RGPD1: variants seen among roughly 807,000 people sequenced by gnomAD.
RGPD1 encodes the protein RANBP2-like and GRIP domain-containing protein 1.
In RGPD1, 7 loss-of-function variants were observed where a neutral mutation model predicts 40.6. The observed-to-expected ratio is 0.17, with a 90% CI of 0.10 to 0.32. The LOEUF is 0.32. Ranked by LOEUF, RGPD1 falls within the 10% of genes least tolerant of loss-of-function variation. The probability of loss-of-function intolerance (pLI) is 1.00; values close to 1 mark genes in which losing one functional copy is unlikely to be tolerated. For synonymous variants in RGPD1, 24 were observed against 167.0 expected, an observed-to-expected ratio of 0.14 and a Z score of 6.60; for missense variants, 50 against 472.5, an observed-to-expected ratio of 0.11 and a Z score of 8.29.
At chr2:86,930,156 GGTCACCCCTGCCCC>G (rs1275789581) in intron 1 of RGPD1, 2 of 1,455,622 alleles carry the variant, frequency 1.4e-6, no homozygotes, top group African/African-American at 2.8e-5. Context: ...TGGGGGCAGG[GGTCACCCCTGCCCC>G]AGACTCACCC....
chr2:86,924,048 CCTT>C (rs1336362516), intron 1 of RGPD1, among the ~76,000 whole-genome samples: 2 of 85,958 alleles, frequency 2.3e-5, no homozygotes, highest in Admixed American at 1.4e-4. Context: ...GTTTATCCAT[CCTT>C]CTTCTGCTGG....
At chr2:86,930,617 C>T (rs1678871812) in intron 1 of RGPD1, 3 of 1,611,568 alleles carry the variant, frequency 1.9e-6, no homozygotes, top group Admixed American at 1.7e-5. Context: ...AGCAGCCAGT[C>T]TCCCCGCAGC....
In RGPD1 at chr2:86,918,453, CTTTTTT is replaced by C. The variant is rs1160123598; in HGVS notation, c.72+4551_72+4556del. On this transcript the variant is annotated intron_variant, in intron 1 of 22. Transcript: ENST00000398193. Reference sequence around the variant, plus strand: ...TATGTTTTAGCCTTGCACACCAAATCTTTTTTTTTTTTTTTTTTTTTTTTGAGACAG... The same window carrying C: ...TATGTTTTAGCCTTGCACACCAAATCTTTTTTTTTTTTTTTTTTGAGACAG... 1.4e-4 allele frequency among the ~76,000 whole-genome samples: 11 copies of C among 78,086 alleles called. No individual in the cohort carries two copies. In the East Asian group the frequency reaches 2.2e-3, roughly 16 times the overall value. 51.2% of individuals were successfully genotyped at this position (78,086 alleles called of 152,430 possible). A position where few individuals can be genotyped will look rare whatever the true frequency, so the allele number is the denominator to read the frequency against.
upstream of RGPD1, among the ~76,000 whole-genome samples, chr2:86,940,709 C>G (rs570818278): frequency 1.3e-5 from 2 of 152,140 alleles, no homozygotes; most frequent in African/African-American, 2.4e-5. Context: ...GATGTTCCCC[C>G]CTCTGCCTTT....
At chr2:87,011,752 G>GAA (rs1682226917) in intron 22 of RGPD1, among the ~76,000 whole-genome samples, 1 of 119,628 alleles carries the variant, frequency 8.4e-6, no homozygotes. Flanking sequence ...AAATAGCTAT[G>GAA]AAGAAGCAGA....
chr2:86,935,562 G>A (rs1261758245), intron 1 of RGPD1, among the ~76,000 whole-genome samples: 1 of 118,234 alleles, frequency 8.5e-6, no homozygotes, highest in African/African-American at 2.9e-5. Context: ...ATTATTTTCT[G>A]ATACTCATAT....
rs1430522919 is a variant in RGPD1, at chr2:86,942,717, G to A, written c.72+409G>A. On this transcript the variant is annotated intron_variant, in intron 1 of 22. Coordinates refer to ENST00000641458, the MANE Select transcript of RGPD1 (RefSeq NM_001382344.1). ...GGTGGCCTCGACGTGGCCCGGCGGCGGCCTCGATGGCTCAGGCGTCATGGC... is the reference window on the plus strand; with the variant it reads ...GGTGGCCTCGACGTGGCCCGGCGGCAGCCTCGATGGCTCAGGCGTCATGGC... Among the ~76,000 whole-genome samples, 5 of 149,578 alleles carry A rather than the reference G, an allele frequency of 3.3e-5. No individual in the cohort carries two copies. The East Asian group carries it at 7.9e-4, about 24-fold the overall frequency.
At chr2:86,947,640 A>G (rs1680404778) in intron 1 of RGPD1, among the ~76,000 whole-genome samples, 1 of 123,806 alleles carries the variant, frequency 8.1e-6, no homozygotes, top group Non-Finnish European at 1.8e-5. Flanking sequence ...GTTTACCTGA[A>G]AGCTGGAGTT....
At chr2:86,914,076 CTGG>C (rs1274905222) in intron 1 of RGPD1, among the ~76,000 whole-genome samples, 1 of 56,182 alleles carries the variant, frequency 1.8e-5, no homozygotes, top group African/African-American at 6.3e-5. Flanking sequence ...CGGCCCCGGC[CTGG>C]CCGGGCGGCG....
chr2:86,931,838 TACTC>T (rs1678989491), intron 1 of RGPD1, among the ~76,000 whole-genome samples: 1 of 149,002 alleles, frequency 6.7e-6, no homozygotes, highest in Non-Finnish European at 1.5e-5. Context: ...ACCCTCATGA[TACTC>T]AATATTTTAC....
chr2:86,930,171 A>G lies in RGPD1; in HGVS notation c.72+16250A>G, dbSNP rs1433754992. On this transcript the variant is annotated intron_variant, in intron 1 of 22. Transcript: ENST00000398193. ...TGGGGGCAGGGGTCACCCCTGCCCC[A>G]GACTCACCCTCCTGATGAGGGAGGG... is the stretch of plus-strand genomic sequence containing the variant. 9 of 1,448,202 alleles carry G rather than the reference A, an allele frequency of 6.2e-6. 1 individual carries two copies. Among genetic ancestry groups the G allele is most frequent in the Non-Finnish European group, 8.5e-6 (9 of 1,062,276 alleles). The allele number at this position is 1,448,202 out of a possible 1,614,324, so 89.7% of individuals were successfully genotyped here.
At chr2:86,959,949 T>G (rs1573627095) in intron 6 of RGPD1, among the ~76,000 whole-genome samples, 1 of 8,998 alleles carries the variant, frequency 1.1e-4, no homozygotes, top group Non-Finnish European at 1.8e-4. Context: ...CAGCCTGGAG[T>G]AGAGTGGCGC....
Position 86,913,940 on chromosome 2 carries a change from G to T in RGPD1, c.72+19G>T. ...TGGAAAGGTGAGTGGATCTCGAAGA[G>T]ACCGACGGCCTCGACCTGGCGGGGC... On this transcript the variant is annotated intron_variant, in intron 1 of 22. Coordinates refer to the RGPD1 transcript ENST00000398193. 2 of 1,427,138 alleles carry T rather than the reference G, an allele frequency of 1.4e-6. 1 individual carries two copies. The highest frequency in any genetic ancestry group is 1.9e-6 in the Non-Finnish European group (2 of 1,066,084). The allele number at this position is 1,427,138 out of a possible 1,614,324, so 88.4% of individuals were successfully genotyped here.
At position 86,942,287 on chromosome 2, in the gene RGPD1, C is replaced by A; in HGVS notation, c.51C>A (p.Gly17=). 1.9e-6 allele frequency: 3 copies of A among 1,602,936 alleles called. No individual in the cohort carries two copies. The East Asian group carries it at 6.8e-5, about 36-fold the overall frequency. ...YGERYVASVQ[G]SAPSPGKKLR... is the part of the protein sequence containing the mutation. ...AGCGGTACGTCGCCTCGGTGCAGGG[C>A]TCCGCCCCGTCGCCTGGAAAGGTGA... Residue 17 remains glycine, a synonymous_variant, in exon 1 of 23, where the codon GGC becomes GGA. Transcript: ENST00000641458.
Position 86,929,944 on chromosome 2 carries a change from C to T in RGPD1, c.72+16023C>T, listed in dbSNP as rs920339032. ...TCTCAAAACTACTTATGGGATGTCCCCTTCACTGGAAGACAGCCCCATGGG... is the reference window on the plus strand; with the variant it reads ...TCTCAAAACTACTTATGGGATGTCCTCTTCACTGGAAGACAGCCCCATGGG... On this transcript the variant is annotated intron_variant, in intron 1 of 22. Coordinates refer to the RGPD1 transcript ENST00000398193. 4.3e-5 allele frequency among the ~76,000 whole-genome samples: 6 copies of T among 141,014 alleles called. 1 individual carries two copies. The highest frequency in any genetic ancestry group is 1.0e-4 in the African/African-American group (4 of 40,192). The allele number at this position is 141,014 out of a possible 152,430, so 92.5% of individuals were successfully genotyped here.
chr2:86,935,219 A>ATTT (rs1679267571), intron 1 of RGPD1, among the ~76,000 whole-genome samples: 1 of 131,106 alleles, frequency 7.6e-6, no homozygotes, highest in Non-Finnish European at 1.7e-5. Context: ...GATACCAAAA[A>ATTT]TGACTTGAGA....
At chr2:86,944,407 G>T (rs935752881) in intron 1 of RGPD1, among the ~76,000 whole-genome samples, 2 of 151,544 alleles carry the variant, frequency 1.3e-5, no homozygotes, top group Non-Finnish European at 2.9e-5. Context: ...TAATTTTTGT[G>T]TTATTTTTTT....
chr2:86,998,632 G>A (rs1309309213), intron 22 of RGPD1, among the ~76,000 whole-genome samples: 1 of 36,446 alleles, frequency 2.7e-5, no homozygotes, highest in Non-Finnish European at 4.5e-5. Flanking sequence ...TAACTTCTTT[G>A]AAATGCTTCA....
upstream of RGPD1, among the ~76,000 whole-genome samples, chr2:86,938,554 C>A (rs2104742256): frequency 6.6e-6 from 1 of 150,900 alleles, no homozygotes; most frequent in African/African-American, 2.4e-5. Flanking sequence ...AATCAAGTTA[C>A]CTATCAAGCA....
Sources: allele counts gnomAD v4.1 joint callset (sites outside exome capture counted in the v4.1 genomes callset), GRCh38; gene constraint gnomAD v4.1.1; transcripts MANE v1.5; gene names NCBI Gene and HGNC (gene_info 2026-07-23, HGNC 2026-07-21).